The following PAQR9 variants were observed in gnomAD, a reference collection of about 807,000 sequenced individuals.
PAQR9 encodes the protein progestin and adipoQ receptor family member 9.
Under a neutral mutation model 24.0 loss-of-function variants are expected in PAQR9, and 12 were observed. The observed-to-expected ratio is 0.50, with a 90% CI of 0.32 to 0.81. The LOEUF (loss-of-function observed/expected upper bound fraction) is 0.81, where lower values mean the gene tolerates loss of function less well. Ranked by LOEUF, PAQR9 falls within the 30% of genes least tolerant of loss-of-function variation. PAQR9 has a pLI of 0.03. For missense variants in PAQR9, 418 were observed against 520.8 expected (o/e 0.80, Z 1.92); for synonymous variants, 266 against 237.6 (o/e 1.12, Z -1.10).
rs1314801463 is a variant in PAQR9 at position 142,962,063 on chromosome 3, T to C, written c.*140A>G. The C allele has an allele frequency of 2.9e-6, 3 of 1,045,170 alleles. No homozygotes were observed. Among genetic ancestry groups the C allele is most frequent in the African/African-American group, 3.2e-5 (2 of 62,804 alleles). The allele number at this position is 1,045,170 out of a possible 1,614,324, so 64.7% of individuals were successfully genotyped here. ...GTGGGTTGGGATCCCTTTGTAGCAG[T>C]GAACTTTTTCCCTATGGTTTTGCAG... On this transcript the variant is annotated 3_prime_UTR_variant, in exon 1 of 1. Transcript: ENST00000340634.
rs974883215 is a variant in PAQR9 at position 142,958,023 on chromosome 3, G to A, written c.*4180C>T. 4.6e-5 allele frequency among the ~76,000 whole-genome samples: 7 copies of A among 152,280 alleles called. No homozygotes were observed. The highest frequency in any genetic ancestry group is 1.3e-4 in the Admixed American group (2 of 15,294). On this transcript the variant is annotated 3_prime_UTR_variant, in exon 1 of 1. Coordinates refer to ENST00000340634, the MANE Select transcript of PAQR9 (RefSeq NM_198504.4). ...TCCACCAGAAGACAAAAGGGTAATG[G>A]CTGTAATAATACGGATGGGTCCTTG...
Position 142,959,955 on chromosome 3 carries a change from G to T in PAQR9, c.*2248C>A, listed in dbSNP as rs374559800. Among the ~76,000 whole-genome samples the T allele has an allele frequency of 1.3e-4, 20 of 152,296 alleles. 1 individual carries two copies. The highest frequency in any genetic ancestry group is 5.2e-4 in the Admixed American group (8 of 15,306). The stretch of plus-strand genomic sequence containing the variant: ...ACAACAATGACATGCAAATAAATTT[G>T]CATGTGGAAATATCCTGATTTCCAC... On this transcript the variant is annotated 3_prime_UTR_variant, in exon 1 of 1. Coordinates refer to ENST00000340634, the MANE Select transcript of PAQR9 (RefSeq NM_198504.4).
chr3:142,951,204 C>A (rs1934706234), downstream of PAQR9, among the ~76,000 whole-genome samples: 2 of 152,196 alleles, frequency 1.3e-5, no homozygotes, highest in Admixed American at 6.5e-5. Flanking sequence ...GCATGAACCA[C>A]TGAACCAAGC....
At chr3:142,949,721 A>T (rs1934689031), downstream of PAQR9, 1 of 152,202 alleles carries the variant, frequency 6.6e-6, no homozygotes, top group African/African-American at 2.4e-5. Context: ...GAGAGAAAGT[A>T]ATTCAAAAGT....
In PAQR9 at chr3:142,962,662, A is replaced by G. The variant is rs1293629037; in HGVS notation, c.675T>C (p.Thr225=). The G allele has an allele frequency of 2.5e-6, 4 of 1,611,426 alleles. No homozygotes were observed. The highest frequency in any genetic ancestry group is 3.4e-6 in the Non-Finnish European group (4 of 1,179,102). The change falls in exon 1 of 1, where the codon ACT becomes ACC. Residue 225 remains threonine, a synonymous_variant. Transcript: ENST00000340634. ...CGGTACGGCTCTTGCAGCAGGCCAC[A>G]GTGCAAGCCACCGCCAGCACGAAGG... ...PVAFVLAVAC[T]VACCKSRTDW...
Position 142,961,996 on chromosome 3 carries a change from C to T in PAQR9, c.*207G>A, listed in dbSNP as rs765537983. On this transcript the variant is annotated 3_prime_UTR_variant, in exon 1 of 1. Transcript: ENST00000340634. The stretch of plus-strand genomic sequence containing the variant: ...CAAGAACAAGTGACTATCTCCCTCC[C>T]GCTTGACCACCCCTGCCAACCTCCC... The T allele has an allele frequency of 9.5e-5, 56 of 587,288 alleles. No homozygotes were observed. The highest frequency in any genetic ancestry group is 1.6e-4 in the Non-Finnish European group (53 of 337,824). 36.4% of individuals were successfully genotyped at this position (587,288 alleles called of 1,614,324 possible). A position where few individuals can be genotyped will look rare whatever the true frequency, so the allele number is the denominator to read the frequency against.
At position 142,960,951 on chromosome 3, in the gene PAQR9, T is replaced by C. The variant is rs1934879221; in HGVS notation, c.*1252A>G. ...CTGCCTTGTTTATTCTTGGATATTA[T>C]GTTTTTAATTTTAAGCAAGGATGGA... On this transcript the variant is annotated 3_prime_UTR_variant, in exon 1 of 1. Transcript: ENST00000340634. The C allele has an allele frequency of 6.6e-6, 1 of 152,266 alleles. No individual in the cohort carries two copies. Among genetic ancestry groups the C allele is most frequent in the Admixed American group, 6.5e-5 (1 of 15,290 alleles). The allele number at this position is 152,266 out of a possible 1,614,324, so 9.4% of individuals were successfully genotyped here. A position where few individuals can be genotyped will look rare whatever the true frequency, so the allele number is the denominator to read the frequency against.
In PAQR9 at chr3:142,958,644, A is replaced by T. The variant is rs1934832676; in HGVS notation, c.*3559T>A. The stretch of plus-strand genomic sequence containing the variant: ...TTTTGCATTCTTAGAAATGATTCCT[A>T]TGAAGTATCACTATAAATTAGGCTA... On this transcript the variant is annotated 3_prime_UTR_variant, in exon 1 of 1. Coordinates refer to ENST00000340634, the MANE Select transcript of PAQR9 (RefSeq NM_198504.4). Among the ~76,000 whole-genome samples, 1 of 152,212 alleles carries T rather than the reference A, an allele frequency of 6.6e-6. No individual in the cohort carries two copies. Among genetic ancestry groups the T allele is most frequent in the Non-Finnish European group, 1.5e-5 (1 of 68,028 alleles).
chr3:142,959,747 A>G lies in PAQR9; in HGVS notation c.*2456T>C, dbSNP rs1287467739. Among the ~76,000 whole-genome samples, 2 of 152,248 alleles carry G rather than the reference A, an allele frequency of 1.3e-5. No homozygotes were observed. Among genetic ancestry groups the G allele is most frequent in the Non-Finnish European group, 2.9e-5 (2 of 68,044 alleles). ...TGTCTGTGGACCTGGAAGAACAACA[A>G]AAAATTAAAATGACAAATTTGGTGT... On this transcript the variant is annotated 3_prime_UTR_variant, in exon 1 of 1. Coordinates refer to ENST00000340634, the MANE Select transcript of PAQR9 (RefSeq NM_198504.4).
In PAQR9 at chr3:142,963,329, C is replaced by T. The variant is rs1279839023; in HGVS notation, c.8G>A (p.Arg3Gln). MP[R>Q]RLQPRGAGTK... ...GCCCGCGCCCCGGGGCTGCAGGCGCCGCGGCATGGTGCCCGGGGCTCGGCT... is the reference window on the plus strand; with the variant it reads ...GCCCGCGCCCCGGGGCTGCAGGCGCTGCGGCATGGTGCCCGGGGCTCGGCT... Residue 3 changes from arginine to glutamine, a missense_variant, in exon 1 of 1, where the codon CGG (arginine) becomes CAG (glutamine). Arg to Gln is a conservative substitution (Grantham distance 43, BLOSUM62 1). Around this residue, in one of 3 missense-constraint regions of PAQR9, gnomAD observed 180 missense variants for 190.3 expected, o/e 0.95. Transcript: ENST00000340634. 9 of 1,361,422 alleles carry T rather than the reference C, an allele frequency of 6.6e-6. No homozygotes were observed. The allele number at this position is 1,361,422 out of a possible 1,614,324, so 84.3% of individuals were successfully genotyped here.
chr3:142,951,218 G>T (rs1209482927), downstream of PAQR9, among the ~76,000 whole-genome samples: 1 of 152,040 alleles, frequency 6.6e-6, no homozygotes, highest in Non-Finnish European at 1.5e-5. Flanking sequence ...ACCAAGCCTG[G>T]ATTTATTTGA....
chr3:142,963,357 G>A lies in PAQR9; in HGVS notation c.-21C>T. The A allele has an allele frequency of 8.3e-7, 1 of 1,198,902 alleles. No homozygotes were observed. The highest frequency in any genetic ancestry group is 1.6e-5 in the African/African-American group (1 of 62,892). The allele number at this position is 1,198,902 out of a possible 1,614,324, so 74.3% of individuals were successfully genotyped here. ...GGCATGGTGCCCGGGGCTCGGCTAGGGCGCGCGCAGGCGACCTCTGGCGCC... is the reference window on the plus strand; with the variant it reads ...GGCATGGTGCCCGGGGCTCGGCTAGAGCGCGCGCAGGCGACCTCTGGCGCC... On this transcript the variant is annotated 5_prime_UTR_variant, in exon 1 of 1. Coordinates refer to ENST00000340634, the MANE Select transcript of PAQR9 (RefSeq NM_198504.4).
At position 142,963,255 on chromosome 3, in the gene PAQR9, T is replaced by C. The variant is rs192874057; in HGVS notation, c.82A>G (p.Asn28Asp). 1.5e-5 allele frequency: 23 copies of C among 1,528,942 alleles called. No homozygotes were observed. In the Admixed American group the frequency reaches 4.6e-4, roughly 31 times the overall value. 94.7% of individuals were successfully genotyped at this position (1,528,942 alleles called of 1,614,324 possible). The change falls in exon 1 of 1, where the codon AAC becomes GAC. Residue 28 changes from asparagine (N) to aspartate (D), a missense_variant. Around this residue, in one of 3 missense-constraint regions of PAQR9, gnomAD observed 180 missense variants for 190.3 expected, o/e 0.95. Transcript: ENST00000340634. ...TCCCGGGAGGCGGCAGAGTGGGAGT[T>C]CCGGGCGGCCCCCGAAGCTGCCGGG... ...PAPAASGAAR[N>D]SHSAASRDPP...
Position 142,962,635 on chromosome 3 carries a change from G to A in PAQR9, c.702C>T (p.Asp234=). The A allele has an allele frequency of 6.2e-7, 1 of 1,612,096 alleles. No homozygotes were observed. Among genetic ancestry groups the A allele is most frequent in the Non-Finnish European group, 8.5e-7 (1 of 1,179,242 alleles). ...GCAGCGCGAACGGGTAGGTACACCAGTCGGTACGGCTCTTGCAGCAGGCCA... is the reference window on the plus strand; with the variant it reads ...GCAGCGCGAACGGGTAGGTACACCAATCGGTACGGCTCTTGCAGCAGGCCA... The part of the protein sequence containing the change: ...CTVACCKSRT[D]WCTYPFALRT... Residue 234 remains aspartate, a synonymous_variant, in exon 1 of 1, where the codon GAC becomes GAT. Transcript: ENST00000340634.
downstream of PAQR9, chr3:142,950,552 C>T (rs1375456256): frequency 4.5e-6 from 2 of 444,918 alleles, no homozygotes; most frequent in Middle Eastern, 3.3e-4. Context: ...TCTTTCATTA[C>T]AGGAAATGGG....
rs1934826150 is a variant in PAQR9 at position 142,958,270 on chromosome 3, T to C, written c.*3933A>G. ...AGCCCTATCTCACTTTGCTCAATTT[T>C]AAAGTTAGTCAATTAAGGGACTGTA... is the stretch of plus-strand genomic sequence containing the variant. On this transcript the variant is annotated 3_prime_UTR_variant, in exon 1 of 1. Coordinates refer to ENST00000340634, the MANE Select transcript of PAQR9 (RefSeq NM_198504.4). 6.6e-6 allele frequency among the ~76,000 whole-genome samples: 1 copy of C among 152,264 alleles called. No individual in the cohort carries two copies. Among genetic ancestry groups the C allele is most frequent in the Non-Finnish European group, 1.5e-5 (1 of 68,046 alleles).
In PAQR9 at chr3:142,958,486, T is replaced by C. The variant is rs1465722481; in HGVS notation, c.*3717A>G. ...CTCCCACCATACCTGTCTCCTATTATAGCTTTGTGCAGATTAACTAATTAA... is the reference window on the plus strand; with the variant it reads ...CTCCCACCATACCTGTCTCCTATTACAGCTTTGTGCAGATTAACTAATTAA... On this transcript the variant is annotated 3_prime_UTR_variant, in exon 1 of 1. Transcript: ENST00000340634. Among the ~76,000 whole-genome samples the C allele has an allele frequency of 6.6e-6, 1 of 152,236 alleles. No homozygotes were observed. Among genetic ancestry groups the C allele is most frequent in the African/African-American group, 2.4e-5 (1 of 41,456 alleles).
chr3:142,951,625 C>A, downstream of PAQR9: 1 of 443,406 alleles, frequency 2.3e-6, no homozygotes, highest in South Asian at 1.6e-5. Context: ...AGAAGAATTA[C>A]AGGAGTGGAC....
downstream of PAQR9, chr3:142,952,934 A>C: frequency 4.4e-6 from 2 of 453,578 alleles, no homozygotes; most frequent in Non-Finnish European, 4.4e-6. Context: ...CGTGAATCTA[A>C]AAGCAAACAA....
Sources: allele counts gnomAD v4.1 joint callset (sites outside exome capture counted in the v4.1 genomes callset), GRCh38; gene constraint gnomAD v4.1.1; regional missense constraint gnomAD v4.1.1; transcripts MANE v1.5; gene names NCBI Gene and HGNC (gene_info 2026-07-23, HGNC 2026-07-21).